Variants in FAM135A observed in about 807,000 individuals in gnomAD.
The protein encoded by FAM135A is family with sequence similarity 135 member A, also known as protein FAM135A.
In FAM135A, 79 loss-of-function variants were observed where a neutral mutation model predicts 146.8. That is an observed-to-expected ratio of 0.54 (90% CI 0.45 to 0.65). The LOEUF is 0.65. FAM135A is among the 30% of genes least tolerant of loss of function. FAM135A has a pLI of 0.00. For synonymous variants in FAM135A, 562 were observed against 603.6 expected (o/e 0.93, Z 1.01); for missense variants, 1,623 against 1,758.2 (o/e 0.92, Z 1.38).
chr6:70,453,175 G>A (rs1190535642), intron 5 of FAM135A, among the ~76,000 whole-genome samples: 4 of 152,084 alleles, frequency 2.6e-5, no homozygotes, highest in Non-Finnish European at 4.4e-5. Flanking sequence ...ATTACATATA[G>A]TTAGAAAATG....
intron 4 of FAM135A, among the ~76,000 whole-genome samples, chr6:70,445,661 A>G (rs912888932): frequency 2.6e-5 from 4 of 152,200 alleles, no homozygotes; most frequent in Non-Finnish European, 5.9e-5. Context: ...TGTTCATGCT[A>G]TTGTTTGTGG....
At chr6:70,524,293 A>G (rs1169478678) in intron 14 of FAM135A, 50 bp from the exon 15 acceptor site, 4 of 1,442,560 alleles carry the variant, frequency 2.8e-6, no homozygotes, top group Non-Finnish European at 3.7e-6. Context: ...TAATCATATG[A>G]GTTCTCACAC....
chr6:70,464,504 A>G (rs1243965951), intron 5 of FAM135A, among the ~76,000 whole-genome samples: 2 of 152,178 alleles, frequency 1.3e-5, no homozygotes, highest in Non-Finnish European at 2.9e-5. Flanking sequence ...ATTAGAAAAC[A>G]AAGTTTCAGA....
intron 15 of FAM135A, among the ~76,000 whole-genome samples, chr6:70,527,750 A>G (rs1207108859): frequency 2.0e-5 from 3 of 152,162 alleles, no homozygotes; most frequent in Non-Finnish European, 4.4e-5. Flanking sequence ...CACTAATTGT[A>G]TGCAGTCACA....
rs552790656 is a variant in FAM135A, at chr6:70,433,320, C to T, written c.77+4901C>T. On this transcript the variant is annotated intron_variant, in intron 4 of 21. Coordinates refer to ENST00000418814, the MANE Select transcript of FAM135A (RefSeq NM_001162529.3). Reference sequence around the variant, plus strand: ...TGATCTCCTGACCTCATGATCCGCCCGCCTCGGCGTCCCAAAGTGCTGGGA... The same window carrying T: ...TGATCTCCTGACCTCATGATCCGCCTGCCTCGGCGTCCCAAAGTGCTGGGA... Among the ~76,000 whole-genome samples the T allele has an allele frequency of 5.8e-4, 88 of 152,108 alleles. 1 individual carries two copies. The highest frequency in any genetic ancestry group is 1.9e-3 in the African/African-American group (80 of 41,494).
At chr6:70,519,080 CATTCATG>C (rs1433208526) in intron 12 of FAM135A, among the ~76,000 whole-genome samples, 1 of 152,166 alleles carries the variant, frequency 6.6e-6, no homozygotes, top group Non-Finnish European at 1.5e-5. Flanking sequence ...CCATTAAGAA[CATTCATG>C]ATTCAAGGAA....
intron 4 of FAM135A, among the ~76,000 whole-genome samples, chr6:70,433,765 G>T (rs775059058): frequency 2.6e-5 from 4 of 152,052 alleles, no homozygotes; most frequent in Admixed American, 2.0e-4. Flanking sequence ...GACTTATCGG[G>T]TGTAATAGAT....
chr6:70,482,950 A>C (rs1043091473), intron 10 of FAM135A, among the ~76,000 whole-genome samples: 1 of 152,144 alleles, frequency 6.6e-6, no homozygotes, highest in African/African-American at 2.4e-5. Flanking sequence ...AATAAATCAT[A>C]AATTGCCTTT....
intron 5 of FAM135A, among the ~76,000 whole-genome samples, chr6:70,474,300 A>G (rs911260937): frequency 6.6e-5 from 10 of 151,904 alleles, no homozygotes; most frequent in East Asian, 5.8e-4. Flanking sequence ...TCTAGTTTCA[A>G]TTGTTATTTC....
chr6:70,462,808 C>T (rs1197280287), intron 5 of FAM135A, among the ~76,000 whole-genome samples: 12 of 152,098 alleles, frequency 7.9e-5, no homozygotes, highest in African/African-American at 2.4e-4. Flanking sequence ...GAAAGGAAGG[C>T]TGGAAATAAG....
intron 12 of FAM135A, among the ~76,000 whole-genome samples, chr6:70,521,319 G>A (rs115152580): frequency 0.025 from 3,862 of 152,104 alleles, 147 homozygotes; most frequent in African/African-American, 0.082. Flanking sequence ...TTAAAGATGC[G>A]TTTTTTTCAT....
In FAM135A at chr6:70,428,393, C is replaced by A; in HGVS notation, c.51C>A (p.Phe17Leu). 1 of 1,603,026 alleles carries A rather than the reference C, an allele frequency of 6.2e-7. No individual in the cohort carries two copies. Among genetic ancestry groups the A allele is most frequent in the African/African-American group, 1.3e-5 (1 of 74,688 alleles). The part of the protein sequence containing the change: ...MVEFSVELNK[F>L]YNVDLFQRGF... Reference sequence around the variant, plus strand: ...AATTCTCTGTGGAGCTAAACAAGTTCTACAATGTGGATTTGTTTCAGAGAG... The same window carrying A: ...AATTCTCTGTGGAGCTAAACAAGTTATACAATGTGGATTTGTTTCAGAGAG... The change falls in exon 4 of 22, where the codon TTC (phenylalanine) becomes TTA (leucine). Residue 17 changes from phenylalanine (F) to leucine (L), a missense_variant. By Grantham distance (22) the Phe-to-Leu change is conservative. Transcript: ENST00000418814.
intron 15 of FAM135A, among the ~76,000 whole-genome samples, chr6:70,527,336 A>G (rs1014386704): frequency 6.6e-6 from 1 of 152,110 alleles, no homozygotes; most frequent in Admixed American, 6.5e-5. Context: ...ACTGAGTCAT[A>G]ATATTTGGGG....
At chr6:70,423,863 A>AG (rs1554261204) in intron 2 of FAM135A, among the ~76,000 whole-genome samples, 1 of 152,192 alleles carries the variant, frequency 6.6e-6, no homozygotes, top group African/African-American at 2.4e-5. Context: ...GCTCACTGAG[A>AG]GGCACAGTAC....
chr6:70,426,105 G>A (rs550317018), intron 2 of FAM135A, among the ~76,000 whole-genome samples: 8 of 136,760 alleles, frequency 5.8e-5, no homozygotes, highest in East Asian at 2.1e-4. Flanking sequence ...GCGAGACTCC[G>A]TCTCAAAAAA....
intron 11 of FAM135A, among the ~76,000 whole-genome samples, chr6:70,502,142 T>C (rs73484504): frequency 0.061 from 9,325 of 152,208 alleles, 792 homozygotes; most frequent in African/African-American, 0.19. Flanking sequence ...TCTAAGAACA[T>C]AGGAGTGAGA....
chr6:70,511,857 G>A (rs1307061754), intron 12 of FAM135A, among the ~76,000 whole-genome samples: 1 of 151,868 alleles, frequency 6.6e-6, no homozygotes, highest in Non-Finnish European at 1.5e-5. Flanking sequence ...GCATGTGACT[G>A]TACTGAATAC....
chr6:70,449,560 A>G (rs1010258351), intron 4 of FAM135A, among the ~76,000 whole-genome samples: 4 of 152,116 alleles, frequency 2.6e-5, no homozygotes, highest in Non-Finnish European at 1.5e-5. Flanking sequence ...AGGTTCATTC[A>G]TGTTGTTGCA....
At chr6:70,469,298 C>G (rs1246849665) in intron 5 of FAM135A, among the ~76,000 whole-genome samples, 1 of 152,022 alleles carries the variant, frequency 6.6e-6, no homozygotes, top group East Asian at 1.9e-4. Context: ...ACATCTGTTG[C>G]CTGTTGCTTC....
Sources: allele counts gnomAD v4.1 joint callset (sites outside exome capture counted in the v4.1 genomes callset), GRCh38; gene constraint gnomAD v4.1.1; transcripts MANE v1.5; gene names NCBI Gene and HGNC (gene_info 2026-07-23, HGNC 2026-07-21).